Variants in KCNMA1 observed in about 807,000 individuals in gnomAD.
KCNMA1 encodes the protein Calcium-activated potassium channel subunit alpha-1.
In KCNMA1, 29 loss-of-function variants were observed where a neutral mutation model predicts 140.0. That is an observed-to-expected ratio of 0.21 (90% CI 0.15 to 0.28). The LOEUF is 0.28. KCNMA1 is among the 10% of genes least tolerant of loss of function. The pLI, the probability that KCNMA1 is intolerant of heterozygous loss-of-function variation, is 1.00. For synonymous variants in KCNMA1, 612 were observed against 611.9 expected (o/e 1.00, Z 0.00); for missense variants, 880 against 1,602.2 (o/e 0.55, Z 7.70).
At chr10:77,354,654 T>A (rs1224126900) in intron 2 of KCNMA1, 3 of 152,206 alleles carry the variant, frequency 2.0e-5, no homozygotes, top group African/African-American at 7.2e-5. Flanking sequence ...CACTCTTCTC[T>A]GTCCACAAAA....
At chr10:77,480,290 C>T (rs2098365001) in intron 1 of KCNMA1, among the ~76,000 whole-genome samples, 1 of 152,212 alleles carries the variant, frequency 6.6e-6, no homozygotes, top group African/African-American at 2.4e-5. Flanking sequence ...CGCCTCCCAT[C>T]TGGCAGCAAG....
At chr10:77,305,334 C>T (rs965848537) in intron 2 of KCNMA1, among the ~76,000 whole-genome samples, 2 of 152,166 alleles carry the variant, frequency 1.3e-5, no homozygotes, top group Admixed American at 6.5e-5. Context: ...AAATGCTTTT[C>T]CTATTTCCTC....
intron 19 of KCNMA1, among the ~76,000 whole-genome samples, chr10:76,999,694 T>C (rs999102273): frequency 6.6e-6 from 1 of 152,138 alleles, no homozygotes; most frequent in Non-Finnish European, 1.5e-5. Flanking sequence ...CTAAGGATTG[T>C]AACAGAAATC....
chr10:77,320,580 C>T (rs2082074838), intron 2 of KCNMA1, among the ~76,000 whole-genome samples: 1 of 152,162 alleles, frequency 6.6e-6, no homozygotes, highest in Non-Finnish European at 1.5e-5. Flanking sequence ...GCCCTCCTTT[C>T]AGCCCACTCC....
chr10:77,637,770 G>A lies in KCNMA1; in HGVS notation c.-128C>T, dbSNP rs1382975560. ...CCGCCGCCGCCGCCGCGGAGCGCGG[G>A]AGGGGGGCGGGGAGGCGCCTGGGCT... On this transcript the variant is annotated 5_prime_UTR_variant, in exon 1 of 28. Coordinates refer to ENST00000286628, the MANE Select transcript of KCNMA1 (RefSeq NM_001161352.2). 7.7e-6 allele frequency: 10 copies of A among 1,302,534 alleles called. No individual in the cohort carries two copies. In the African/African-American group the frequency reaches 1.6e-4, roughly 20 times the overall value. 80.7% of individuals were successfully genotyped at this position (1,302,534 alleles called of 1,614,324 possible).
chr10:77,162,768 T>C (rs1003769941), intron 5 of KCNMA1, among the ~76,000 whole-genome samples: 11 of 152,236 alleles, frequency 7.2e-5, no homozygotes, highest in Non-Finnish European at 1.0e-4. Context: ...TCCATCTCCA[T>C]TGATTTTCCA....
At position 77,007,653 on chromosome 10, in the gene KCNMA1, G is replaced by GTGTGTGTATA; in HGVS notation, c.2092+4313_2092+4314insTATACACACA. On this transcript the variant is annotated intron_variant, in intron 18 of 27. Coordinates refer to ENST00000286628, the MANE Select transcript of KCNMA1 (RefSeq NM_001161352.2). ...ACATCATGGTACATATTGTGTGTGT[G>GTGTGTGTATA]TATATATATATATATATATATATGT... is the stretch of plus-strand genomic sequence containing the variant. Among the ~76,000 whole-genome samples the GTGTGTGTATA allele has an allele frequency of 5.8e-3, 515 of 88,418 alleles. 16 individuals are homozygous for GTGTGTGTATA. Among genetic ancestry groups the GTGTGTGTATA allele is most frequent in the Middle Eastern group, 0.045 (5 of 112 alleles). 58.0% of individuals were successfully genotyped at this position (88,418 alleles called of 152,430 possible).
chr10:77,275,314 G>C (rs1219963659), intron 2 of KCNMA1, among the ~76,000 whole-genome samples: 3 of 152,150 alleles, frequency 2.0e-5, no homozygotes, highest in African/African-American at 4.8e-5. Flanking sequence ...TCTTACTCCA[G>C]TATCTGTCTA....
At chr10:77,213,099 CTGAG>C (rs977611058) in intron 3 of KCNMA1, among the ~76,000 whole-genome samples, 5 of 152,068 alleles carry the variant, frequency 3.3e-5, no homozygotes, top group African/African-American at 9.6e-5. Flanking sequence ...CGGTGAAAGA[CTGAG>C]TAATTACATA....
intron 3 of KCNMA1, among the ~76,000 whole-genome samples, chr10:77,201,934 A>G (rs183770724): frequency 5.3e-5 from 8 of 152,340 alleles, no homozygotes; most frequent in South Asian, 2.1e-4. Flanking sequence ...ATGCCTATGT[A>G]GCATATAGCA....
chr10:77,264,339 T>C (rs2062836107), intron 2 of KCNMA1, among the ~76,000 whole-genome samples: 1 of 152,128 alleles, frequency 6.6e-6, no homozygotes, highest in Admixed American at 6.5e-5. Flanking sequence ...GGGCATTTGT[T>C]TGAGGGTGGG....
chr10:76,968,821 C>T (rs560098035), intron 20 of KCNMA1, among the ~76,000 whole-genome samples: 48 of 152,296 alleles, frequency 3.2e-4, no homozygotes, highest in African/African-American at 9.9e-4. Context: ...CCACGGAAAA[C>T]CTGTGTCCTC....
At chr10:77,007,280 T>C (rs1285008520) in intron 18 of KCNMA1, among the ~76,000 whole-genome samples, 1 of 152,196 alleles carries the variant, frequency 6.6e-6, no homozygotes, top group African/African-American at 2.4e-5. Context: ...TCTCCTCCAG[T>C]CAGCTTTTCT....
At position 76,903,190 on chromosome 10, in the gene KCNMA1, T is replaced by C. The variant is rs1044871744; in HGVS notation, c.3147+6776A>G. The C allele has an allele frequency of 7.2e-5, 11 of 152,382 alleles. No homozygotes were observed. In the East Asian group the frequency reaches 1.9e-3, roughly 27 times the overall value. The allele number at this position is 152,382 out of a possible 1,614,324, so 9.4% of individuals were successfully genotyped here. A position where few individuals can be genotyped will look rare whatever the true frequency, so the allele number is the denominator to read the frequency against. On this transcript the variant is annotated intron_variant, in intron 25 of 27. Transcript: ENST00000286628. ...TAACCCGCCCAAGCATCCTCCTCTTTTTATTTTTTTAAAGTATAATTACCG... is the reference window on the plus strand; with the variant it reads ...TAACCCGCCCAAGCATCCTCCTCTTCTTATTTTTTTAAAGTATAATTACCG...
At chr10:77,467,831 C>T (rs892857950) in intron 1 of KCNMA1, among the ~76,000 whole-genome samples, 2 of 152,204 alleles carry the variant, frequency 1.3e-5, no homozygotes, top group African/African-American at 4.8e-5. Context: ...GTACACATTC[C>T]TGGAGATGTA....
chr10:77,221,002 T>C (rs1252492372), intron 3 of KCNMA1, among the ~76,000 whole-genome samples: 1 of 152,208 alleles, frequency 6.6e-6, no homozygotes, highest in East Asian at 1.9e-4. Context: ...GGATGAGTCA[T>C]TTGATTCACC....
intron 5 of KCNMA1, among the ~76,000 whole-genome samples, chr10:77,143,050 G>C (rs1341074060): frequency 1.3e-5 from 2 of 152,070 alleles, no homozygotes; most frequent in African/African-American, 4.8e-5. Flanking sequence ...TGGAGGAAAA[G>C]AGAACCCAAC....
intron 2 of KCNMA1, among the ~76,000 whole-genome samples, chr10:77,388,969 G>C (rs2095713115): frequency 6.6e-6 from 1 of 152,160 alleles, no homozygotes; most frequent in Admixed American, 6.5e-5. Flanking sequence ...AAACCCACTG[G>C]TTTGCAAACT....
At chr10:77,379,122 G>A (rs1164015937) in intron 2 of KCNMA1, among the ~76,000 whole-genome samples, 1 of 152,162 alleles carries the variant, frequency 6.6e-6, no homozygotes, top group East Asian at 1.9e-4. Context: ...TGATTTCTGT[G>A]TTAAACTGAA....
Sources: gnomAD v4.1 joint callset for allele counts (sites outside exome capture counted in the v4.1 genomes callset) on GRCh38, gnomAD v4.1.1 for gene constraint, MANE v1.5 for transcripts, NCBI Gene and HGNC (gene_info 2026-07-23, HGNC 2026-07-21) for gene names.